Variants in MACROD2 observed in about 807,000 individuals in gnomAD.
The protein encoded by MACROD2 is mono-ADP ribosylhydrolase 2, also known as ADP-ribose glycohydrolase MACROD2.
MACROD2 carries 36 observed loss-of-function variants against 70.4 expected under a neutral mutation model. The ratio of observed to expected loss-of-function variants is 0.51; its 90% CI spans 0.39 to 0.68. The LOEUF is 0.68. Ranked by LOEUF, MACROD2 falls within the 30% of genes least tolerant of loss-of-function variation. The probability of loss-of-function intolerance (pLI) is 0.00; values close to 1 mark genes in which losing one functional copy is unlikely to be tolerated. For missense variants in MACROD2, 496 were observed against 538.4 expected (o/e 0.92, Z 0.78); for synonymous variants, 172 against 178.8 (o/e 0.96, Z 0.30).
In MACROD2 at chr20:14,298,603, A is replaced by G. The variant is rs182925551; in HGVS notation, c.272-194876A>G. ...AAAAAAGAAGTGAATTTTTCTTAAG[A>G]CTACTGCTGCCATAGATAGTGTTTC... On this transcript the variant is annotated intron_variant, in intron 3 of 17. Transcript: ENST00000684519. Among the ~76,000 whole-genome samples, 41 of 151,680 alleles carry G rather than the reference A, an allele frequency of 2.7e-4. 1 individual carries two copies. Among genetic ancestry groups the G allele is most frequent in the African/African-American group, 1.0e-3 (41 of 41,170 alleles).
chr20:15,723,197 A>C (rs1328097379), intron 8 of MACROD2, among the ~76,000 whole-genome samples: 1 of 152,148 alleles, frequency 6.6e-6, no homozygotes, highest in African/African-American at 2.4e-5. Flanking sequence ...TTGTGTACCC[A>C]CCACCCCCAC....
chr20:15,491,220 G>A (rs2047227639), intron 7 of MACROD2, among the ~76,000 whole-genome samples: 1 of 152,154 alleles, frequency 6.6e-6, no homozygotes, highest in African/African-American at 2.4e-5. Context: ...TCCCCGAAGT[G>A]AAATATTATG....
At chr20:14,698,802 T>C (rs182156984) in intron 5 of MACROD2, among the ~76,000 whole-genome samples, 2 of 149,212 alleles carry the variant, frequency 1.3e-5, no homozygotes, top group African/African-American at 4.9e-5. Flanking sequence ...TTAATTATTT[T>C]AATAAATTTA....
At chr20:15,259,084 A>G (rs2077225366) in intron 6 of MACROD2, among the ~76,000 whole-genome samples, 4 of 152,044 alleles carry the variant, frequency 2.6e-5, no homozygotes, top group Admixed American at 2.0e-4. Flanking sequence ...TAGGTTGGAC[A>G]AAGCTCATCT....
chr20:15,449,708 A>G (rs2075401523), intron 7 of MACROD2, among the ~76,000 whole-genome samples: 1 of 152,142 alleles, frequency 6.6e-6, no homozygotes, highest in African/African-American at 2.4e-5. Flanking sequence ...AAACATGCAC[A>G]GAGGCTGGAC....
chr20:14,199,796 C>T (rs2081463740), intron 3 of MACROD2, among the ~76,000 whole-genome samples: 1 of 151,846 alleles, frequency 6.6e-6, no homozygotes, highest in Admixed American at 6.6e-5. Context: ...TTTTTTGAGG[C>T]AGGTACTATT....
chr20:15,945,907 C>A (rs1302449663), intron 12 of MACROD2, among the ~76,000 whole-genome samples: 1 of 152,092 alleles, frequency 6.6e-6, no homozygotes, highest in Admixed American at 6.6e-5. Flanking sequence ...GGGTAGGATG[C>A]AGGTGTGTCT....
At chr20:15,943,350 G>T (rs981904448) in intron 12 of MACROD2, among the ~76,000 whole-genome samples, 5 of 152,136 alleles carry the variant, frequency 3.3e-5, no homozygotes, top group Non-Finnish European at 5.9e-5. Flanking sequence ...AGACTCTCCA[G>T]GCTAATTTTT....
intron 2 of MACROD2, among the ~76,000 whole-genome samples, chr20:14,063,157 C>CA (rs1480740984): frequency 6.6e-6 from 1 of 151,848 alleles, no homozygotes; most frequent in Non-Finnish European, 1.5e-5. Flanking sequence ...AAATGGCTTT[C>CA]AAAAAAGGAA....
rs140823343 is a variant in MACROD2 at position 14,158,404 on chromosome 20, C to A, written c.271+72676C>A. On this transcript the variant is annotated intron_variant, in intron 3 of 17. Transcript: ENST00000684519. ...CTGCTGTCTTTTTACTCTTGTTTTT[C>A]TTGCTGGGTAGAAGCTTTTTAGTTT... 4.6e-5 allele frequency among the ~76,000 whole-genome samples: 7 copies of A among 152,122 alleles called. No homozygotes were observed. The East Asian group carries it at 1.4e-3, about 29-fold the overall frequency.
Position 14,792,306 on chromosome 20 carries a change from T to G in MACROD2, c.418+107347T>G, listed in dbSNP as rs192304708. 2.0e-5 allele frequency among the ~76,000 whole-genome samples: 3 copies of G among 152,228 alleles called. No individual in the cohort carries two copies. In the East Asian group the frequency reaches 5.8e-4, roughly 29 times the overall value. The stretch of plus-strand genomic sequence containing the variant: ...TACTTGTGGATACACACACATATTT[T>G]AATACAGAACATATATTTCTTCTGA... On this transcript the variant is annotated intron_variant, in intron 5 of 17. Coordinates refer to ENST00000684519, the MANE Select transcript of MACROD2 (RefSeq NM_001351661.2).
intron 8 of MACROD2, among the ~76,000 whole-genome samples, chr20:15,542,028 C>A (rs567927111): frequency 6.6e-6 from 1 of 152,150 alleles, no homozygotes; most frequent in Non-Finnish European, 1.5e-5. Context: ...TGGAAAGAAA[C>A]CCGTGTGACT....
intron 5 of MACROD2, among the ~76,000 whole-genome samples, chr20:15,012,290 G>A (rs1316648444): frequency 6.6e-6 from 1 of 152,106 alleles, no homozygotes; most frequent in Non-Finnish European, 1.5e-5. Flanking sequence ...CATCAAATCA[G>A]CCAGATTTCT....
chr20:15,649,067 C>T (rs1183993943), intron 8 of MACROD2, among the ~76,000 whole-genome samples: 4 of 102,318 alleles, frequency 3.9e-5, no homozygotes, highest in African/African-American at 1.2e-4. Context: ...TTTCTTTTCT[C>T]CTCCCCTCCC....
chr20:14,940,879 GT>G lies in MACROD2; in HGVS notation c.418+255924del, dbSNP rs373358739. Among the ~76,000 whole-genome samples, 20 of 152,218 alleles carry G rather than the reference GT, an allele frequency of 1.3e-4. No individual in the cohort carries two copies. The East Asian group carries it at 3.5e-3, about 26-fold the overall frequency. On this transcript the variant is annotated intron_variant, in intron 5 of 17. Transcript: ENST00000684519. ...TCTTTGTTTGTTGTGTCTTTGCCTG[GT>G]TTTGGTATCAAGTTAATGCTATCCT...
At chr20:14,949,455 A>T (rs2074458339) in intron 5 of MACROD2, among the ~76,000 whole-genome samples, 1 of 152,178 alleles carries the variant, frequency 6.6e-6, no homozygotes, top group Non-Finnish European at 1.5e-5. Flanking sequence ...TTCAAATGTG[A>T]CTTGCAGGTC....
At chr20:14,998,701 G>T (rs188061257) in intron 5 of MACROD2, among the ~76,000 whole-genome samples, 1 of 152,306 alleles carries the variant, frequency 6.6e-6, no homozygotes, top group Non-Finnish European at 1.5e-5. Context: ...TAAGATTGGG[G>T]TAGAAAGTTT....
At chr20:14,250,472 G>A (rs978399862) in intron 3 of MACROD2, among the ~76,000 whole-genome samples, 2 of 152,062 alleles carry the variant, frequency 1.3e-5, no homozygotes, top group African/African-American at 4.8e-5. Context: ...TGCTACTACC[G>A]AAAAGTGGAT....
chr20:14,623,237 A>T (rs146609508), intron 4 of MACROD2, among the ~76,000 whole-genome samples: 3 of 152,164 alleles, frequency 2.0e-5, no homozygotes, highest in African/African-American at 7.2e-5. Context: ...TCTAGGGTCA[A>T]TTCCCAACAT....
Sources: allele counts gnomAD v4.1 joint callset (sites outside exome capture counted in the v4.1 genomes callset), GRCh38; gene constraint gnomAD v4.1.1; transcripts MANE v1.5; gene names NCBI Gene and HGNC (gene_info 2026-07-23, HGNC 2026-07-21).